The following ACSL6 variants were observed in gnomAD, a reference collection of about 807,000 sequenced individuals.
ACSL6 encodes the protein acyl-CoA synthetase long chain family member 6.
A neutral mutation model predicts 98.2 loss-of-function variants in ACSL6; 47 were observed. That is an observed-to-expected ratio of 0.48 (90% confidence interval 0.38 to 0.61). ACSL6 has a LOEUF of 0.61. Ranked by LOEUF, ACSL6 falls within the 20% of genes least tolerant of loss-of-function variation. The pLI is 0.00. For missense variants in ACSL6, 761 were observed against 913.4 expected, an observed-to-expected ratio of 0.83 and a Z score of 2.15; for synonymous variants, 362 against 336.9, an observed-to-expected ratio of 1.07 and a Z score of -0.82.
rs187305064 is a variant in ACSL6, at chr5:132,004,978, C to T, written c.49+6527G>A. 2.9e-3 allele frequency among the ~76,000 whole-genome samples: 440 copies of T among 152,122 alleles called. 3 individuals are homozygous for T. Among genetic ancestry groups the T allele is most frequent in the African/African-American group, 9.7e-3 (403 of 41,484 alleles). ...CAGCCTGGCCAATGTGGTGAAACCC[C>T]GTCTCTACCAAAAATACAAAAAAAT... On this transcript the variant is annotated intron_variant, in intron 1 of 20. Transcript: ENST00000651883.
intron 10 of ACSL6, chr5:131,975,522 C>G: frequency 1.0e-6 from 1 of 985,360 alleles, no homozygotes; most frequent in Non-Finnish European, 1.2e-6. Context: ...GTCTATGCAA[C>G]TGTGGCTGGG....
chr5:131,954,731 G>C (rs969324994), intron 20 of ACSL6, among the ~76,000 whole-genome samples: 1 of 152,118 alleles, frequency 6.6e-6, no homozygotes, highest in Non-Finnish European at 1.5e-5. Context: ...ATGAGATAAA[G>C]GGCACCCATC....
upstream of ACSL6, chr5:132,011,768 A>T: frequency 7.5e-7 from 1 of 1,328,018 alleles, no homozygotes; most frequent in Non-Finnish European, 9.7e-7. This position sits in a 1 kb window ranked among gnomAD's most constrained non-coding sequence, Gnocchi z 5.4. Flanking sequence ...ACCGAGCCTT[A>T]CTCCCTGCCC....
chr5:131,954,704 T>G (rs1281416151), intron 20 of ACSL6, among the ~76,000 whole-genome samples: 4 of 151,982 alleles, frequency 2.6e-5, no homozygotes, highest in African/African-American at 9.7e-5. Context: ...CACTGGGCAA[T>G]TATCAGTATG....
At chr5:131,987,932 T>A in intron 7 of ACSL6, 116 bp downstream of exon 7, 1 of 1,361,012 alleles carries the variant, frequency 7.3e-7, no homozygotes, top group Non-Finnish European at 1.0e-6. Context: ...GACACTGATA[T>A]ACCCTGCGGG....
Position 131,988,249 on chromosome 5 carries a change from G to A in ACSL6, c.653-23C>T, listed in dbSNP as rs753224922. The A allele has an allele frequency of 2.4e-5, 38 of 1,611,892 alleles. No individual in the cohort carries two copies. The East Asian group carries it at 4.2e-4, about 18-fold the overall frequency. On this transcript the variant is annotated intron_variant, in intron 6 of 20. Coordinates refer to ENST00000651883, the MANE Select transcript of ACSL6 (RefSeq NM_001009185.3). ...CCGCTGCAGGGGGCCATCAAGGAGA[G>A]TCAGGCCATGTGGGCCCAGGTCATG...
At chr5:131,990,309 C>T (rs1754436042) in intron 3 of ACSL6, 145 bp from the exon 4 acceptor site, 2 of 737,520 alleles carry the variant, frequency 2.7e-6, no homozygotes, top group South Asian at 3.4e-5. Context: ...CTGCCAGCTA[C>T]CTGTCTAATC....
chr5:131,986,964 C>A, intron 7 of ACSL6, 110 bp from the exon 8 acceptor site: 1 of 974,646 alleles, frequency 1.0e-6, no homozygotes, highest in East Asian at 2.6e-5. Flanking sequence ...CATACACACA[C>A]ACACATACCC....
At chr5:131,991,653 G>A (rs1327874960) in intron 2 of ACSL6, among the ~76,000 whole-genome samples, 1 of 152,048 alleles carries the variant, frequency 6.6e-6, no homozygotes, top group East Asian at 1.9e-4. Flanking sequence ...TGAGTAGGGT[G>A]AGGAGCCAGC....
At chr5:131,955,933 A>G (rs768604006) in intron 20 of ACSL6, among the ~76,000 whole-genome samples, 3 of 152,250 alleles carry the variant, frequency 2.0e-5, no homozygotes, top group Non-Finnish European at 4.4e-5. Context: ...TAGAAGCACT[A>G]TCACATGAAG....
rs77409091 is a variant in ACSL6 at position 131,996,733 on chromosome 5, C to T, written c.50-2482G>A. ...CAGATTAGCCAAGTCATCCATCTGT[C>T]TTTCAACGCATCTGGCAGACCCTCA... On this transcript the variant is annotated intron_variant, in intron 1 of 20. Coordinates refer to ENST00000651883, the MANE Select transcript of ACSL6 (RefSeq NM_001009185.3). Among the ~76,000 whole-genome samples the T allele has an allele frequency of 5.1e-3, 779 of 152,352 alleles. 9 individuals are homozygous for T. Among genetic ancestry groups the T allele is most frequent in the African/African-American group, 0.016 (666 of 41,572 alleles).
intron 1 of ACSL6, among the ~76,000 whole-genome samples, chr5:132,010,252 G>A (rs1561817392): frequency 6.6e-6 from 1 of 152,198 alleles, no homozygotes; most frequent in Non-Finnish European, 1.5e-5. Context: ...TAAGGAAATG[G>A]TGGGGGTGAA....
Position 131,970,272 on chromosome 5 carries a change from C to G in ACSL6, c.1435-72G>C, listed in dbSNP as rs866554493. 2.5e-5 allele frequency: 35 copies of G among 1,380,392 alleles called. No individual in the cohort carries two copies. In the South Asian group the frequency reaches 3.7e-4, roughly 15 times the overall value. The allele number at this position is 1,380,392 out of a possible 1,614,324, so 85.5% of individuals were successfully genotyped here. On this transcript the variant is annotated intron_variant, in intron 14 of 20. Coordinates refer to ENST00000651883, the MANE Select transcript of ACSL6 (RefSeq NM_001009185.3). ...GAGCTAACTGGCCACCCCTTCCAGACAGCTAACCTCCCACTGAGCGTGTCT... is the reference window on the plus strand; with the variant it reads ...GAGCTAACTGGCCACCCCTTCCAGAGAGCTAACCTCCCACTGAGCGTGTCT...
intron 1 of ACSL6, among the ~76,000 whole-genome samples, chr5:131,996,456 C>T (rs1754797814): frequency 6.6e-6 from 1 of 152,172 alleles, no homozygotes; most frequent in Admixed American, 6.5e-5. Context: ...CTCACCAACT[C>T]GTAGGGTGGG....
intron 16 of ACSL6, among the ~76,000 whole-genome samples, chr5:131,967,581 T>C (rs1161308472): frequency 5.9e-5 from 9 of 151,428 alleles, no homozygotes; most frequent in Non-Finnish European, 1.3e-4. Flanking sequence ...AGGAGAATGG[T>C]GTGAACCTGG....
intron 14 of ACSL6, 107 bp from the exon 15 acceptor site, chr5:131,970,307 A>G (rs1351039650): frequency 1.0e-5 from 10 of 987,156 alleles, no homozygotes; most frequent in Non-Finnish European, 1.4e-5. Flanking sequence ...TGACTGCTTC[A>G]TGATCAGGGC....
intron 20 of ACSL6, among the ~76,000 whole-genome samples, chr5:131,959,131 C>T (rs558395500): frequency 2.0e-5 from 3 of 152,114 alleles, no homozygotes; most frequent in African/African-American, 7.2e-5. Flanking sequence ...ATCACTGGCC[C>T]GAGAAGACCA....
intron 20 of ACSL6, among the ~76,000 whole-genome samples, chr5:131,955,364 G>C (rs1246165124): frequency 6.6e-6 from 1 of 152,194 alleles, no homozygotes; most frequent in Admixed American, 6.5e-5. Context: ...ATTCAGTAAG[G>C]AATAGGGCTG....
chr5:131,986,053 G>A (rs541810369), intron 8 of ACSL6, among the ~76,000 whole-genome samples: 6 of 152,370 alleles, frequency 3.9e-5, no homozygotes, highest in African/African-American at 7.2e-5. Flanking sequence ...AGATGGAAGC[G>A]CAAGCAAGAT....
Sources: gnomAD v4.1 joint callset for allele counts (sites outside exome capture counted in the v4.1 genomes callset) on GRCh38, gnomAD v4.1.1 for gene constraint, Gnocchi (gnomAD v3.1) non-coding constraint, MANE v1.5 for transcripts, NCBI Gene and HGNC (gene_info 2026-07-23, HGNC 2026-07-21) for gene names.